The following GHSR variants were observed in gnomAD, a reference collection of about 807,000 sequenced individuals.
The protein encoded by GHSR is growth hormone secretagogue receptor type 1.
A neutral mutation model predicts 24.0 loss-of-function variants in GHSR; 17 were observed. That is an observed-to-expected ratio of 0.71 (90% CI 0.49 to 1.06). The LOEUF is 1.06. GHSR is among the 50% of genes least tolerant of loss of function. The pLI is 0.00. For synonymous variants in GHSR, 238 were observed against 208.1 expected (o/e 1.14, Z -1.24); for missense variants, 504 against 483.1 (o/e 1.04, Z -0.41).
rs201558252 is a variant in GHSR at position 172,448,278 on chromosome 3, C to A, written c.136G>T (p.Val46Phe). The change falls in exon 1 of 2, where the codon GTC becomes TTC. Residue 46 changes from valine (V) to phenylalanine (F), a missense_variant. Val to Phe is a conservative substitution (Grantham distance 50). Transcript: ENST00000241256. This position sits in a 1 kb window ranked among gnomAD's most constrained non-coding sequence, Gnocchi z 4.8. ...QLFPAPLLAG[V>F]TATCVALFVV... ...AAGAGTGCCACGCAGGTGGCTGTGA[C>A]GCCCGCCAGCAGCGGCGCGGGGAAG... The A allele has an allele frequency of 1.9e-6, 3 of 1,612,508 alleles. No homozygotes were observed. Among genetic ancestry groups the A allele is most frequent in the East Asian group, 2.2e-5 (1 of 44,866 alleles).
In GHSR at chr3:172,445,251, A is replaced by C; in HGVS notation, c.1011T>G (p.Leu337=). 1 of 1,614,128 alleles carries C rather than the reference A, an allele frequency of 6.2e-7. No homozygotes were observed. ...TCTGGGAGAAGGGTTCGAATCCCAG[A>C]AGTCTGAACACTGCCACCCGGTACT... is the stretch of plus-strand genomic sequence containing the variant. The part of the protein sequence containing the change: ...SKKYRVAVFR[L]LGFEPFSQRK... The change falls in exon 2 of 2, where the codon CTT becomes CTG. Residue 337 remains leucine (L), a synonymous_variant. Coordinates refer to ENST00000241256, the MANE Select transcript of GHSR (RefSeq NM_198407.2).
Position 172,447,679 on chromosome 3 carries a change from G to A in GHSR, c.735C>T (p.Gly245=). 1.2e-6 allele frequency: 2 copies of A among 1,614,082 alleles called. No individual in the cohort carries two copies. The highest frequency in any genetic ancestry group is 1.7e-6 in the Non-Finnish European group (2 of 1,180,024). ...IGRKLWRRRR[G]DAVVGASLRD... is the part of the protein sequence containing the mutation. Reference sequence around the variant, plus strand: ...TGAGCGAGGCACCCACGACAGCATCGCCGCGCCTCCTCCGCCACAGCTTCC... The same window carrying A: ...TGAGCGAGGCACCCACGACAGCATCACCGCGCCTCCTCCGCCACAGCTTCC... Residue 245 remains glycine, a synonymous_variant, in exon 1 of 2, where the codon GGC becomes GGT. Transcript: ENST00000241256.
Position 172,445,456 on chromosome 3 carries a change from A to G in GHSR, c.806T>C (p.Val269Ala). 6.2e-7 allele frequency: 1 copy of G among 1,612,158 alleles called. No homozygotes were observed. The highest frequency in any genetic ancestry group is 8.5e-7 in the Non-Finnish European group (1 of 1,179,548). The change falls in exon 2 of 2, where the codon GTG becomes GCG. Residue 269 changes from valine to alanine, a missense_variant. Coordinates refer to ENST00000241256, the MANE Select transcript of GHSR (RefSeq NM_198407.2). The stretch of plus-strand genomic sequence containing the variant: ...GAGCCAGCAGAGGATGAAGGCAAAC[A>G]CCACTACAGCTAAAAGGACAATGGG... ...KQTVKMLAVV[V>A]FAFILCWLPF...
intron 1 of GHSR, among the ~76,000 whole-genome samples, chr3:172,445,816 A>G (rs1351692000): frequency 6.6e-6 from 1 of 152,224 alleles, no homozygotes. Flanking sequence ...GTTGTACTCA[A>G]CCATAGCTGT....
In GHSR at chr3:172,444,135, T is replaced by C. The variant is rs1057309895; in HGVS notation, c.*1026A>G. Among the ~76,000 whole-genome samples the C allele has an allele frequency of 6.6e-6, 1 of 152,210 alleles. No individual in the cohort carries two copies. The highest frequency in any genetic ancestry group is 2.1e-4 in the South Asian group (1 of 4,836). On this transcript the variant is annotated 3_prime_UTR_variant, in exon 2 of 2. Transcript: ENST00000241256. ...GTTTCATTTCCTGAATATTAACACATGCAACTCAACTTAATTTAAAAATGT... is the reference window on the plus strand; with the variant it reads ...GTTTCATTTCCTGAATATTAACACACGCAACTCAACTTAATTTAAAAATGT...
chr3:172,447,548 A>G, intron 1 of GHSR, 70 bp downstream of exon 1: 1 of 1,589,834 alleles, frequency 6.3e-7, no homozygotes, highest in Non-Finnish European at 8.6e-7. Flanking sequence ...GGAGACTCAG[A>G]GAGAAGGGAG....
At chr3:172,447,481 A>C in intron 1 of GHSR, 137 bp downstream of exon 1, 7 of 1,506,814 alleles carry the variant, frequency 4.6e-6, no homozygotes, top group Non-Finnish European at 6.2e-6. Flanking sequence ...AAACGCAGAG[A>C]GACAGAGGCC....
chr3:172,447,419 T>C (rs1378167975), intron 1 of GHSR, 199 bp downstream of exon 1: 2 of 1,184,036 alleles, frequency 1.7e-6, no homozygotes, highest in Admixed American at 5.8e-5. Flanking sequence ...AGAGAAAGAT[T>C]GAGAGATCAA....
chr3:172,447,637 CT>C lies in GHSR; in HGVS notation c.776del (p.Lys259SerfsTer4). 1.2e-6 allele frequency: 2 copies of C among 1,614,062 alleles called. No individual in the cohort carries two copies. Among genetic ancestry groups the C allele is most frequent in the Non-Finnish European group, 1.7e-6 (2 of 1,180,010 alleles). On this transcript the variant is annotated frameshift_variant, in exon 1 of 2. Transcript: ENST00000241256. LOFTEE classifies it high-confidence loss of function. ...ACCCACCCAGCATTTTCACGGTTTGCTTGTGGTTCTGGTCCCTGAGCGAGGC... is the reference window on the plus strand; with the variant it reads ...ACCCACCCAGCATTTTCACGGTTTGCTGTGGTTCTGGTCCCTGAGCGAGGC... The part of the protein sequence containing the change: ...VGASLRDQNH[K>X]QTVKMLAVVV...
At position 172,447,652 on chromosome 3, in the gene GHSR, C is replaced by G. The variant is rs201901379; in HGVS notation, c.762G>C (p.Arg254Ser). Residue 254 changes from arginine (R) to serine (S), a missense_variant, in exon 1 of 2, where the codon AGG becomes AGC. Transcript: ENST00000241256. The part of the protein sequence containing the change: ...RGDAVVGASL[R>S]DQNHKQTVKM... ...TCACGGTTTGCTTGTGGTTCTGGTCCCTGAGCGAGGCACCCACGACAGCAT... is the reference window on the plus strand; with the variant it reads ...TCACGGTTTGCTTGTGGTTCTGGTCGCTGAGCGAGGCACCCACGACAGCAT... 62 of 1,614,038 alleles carry G rather than the reference C, an allele frequency of 3.8e-5. No individual in the cohort carries two copies. The highest frequency in any genetic ancestry group is 5.2e-5 in the Non-Finnish European group (61 of 1,180,002).
In GHSR at chr3:172,448,298, G is replaced by A; in HGVS notation, c.116C>T (p.Pro39Leu). 6.2e-7 allele frequency: 1 copy of A among 1,611,830 alleles called. No homozygotes were observed. Among genetic ancestry groups the A allele is most frequent in the Non-Finnish European group, 8.5e-7 (1 of 1,179,878 alleles). Residue 39 changes from proline to leucine, a missense_variant, in exon 1 of 2, where the codon CCC (proline) becomes CTC (leucine). Coordinates refer to ENST00000241256, the MANE Select transcript of GHSR (RefSeq NM_198407.2). The surrounding 1 kb of genome is among the most constrained non-coding windows in gnomAD (Gnocchi z 4.8). ...TGTGACGCCCGCCAGCAGCGGCGCG[G>A]GGAAGAGCTGCAGCAGCTCGTCGCC... The part of the protein sequence containing the change: ...SLGDELLQLF[P>L]APLLAGVTAT...
At chr3:172,446,501 C>A (rs1231666122) in intron 1 of GHSR, among the ~76,000 whole-genome samples, 2 of 152,132 alleles carry the variant, frequency 1.3e-5, no homozygotes, top group Non-Finnish European at 2.9e-5. Context: ...TATGGAGGAT[C>A]CAGGAACTGT....
chr3:172,444,786 T>G lies in GHSR; in HGVS notation c.*375A>C, dbSNP rs1414080268. On this transcript the variant is annotated 3_prime_UTR_variant, in exon 2 of 2. Transcript: ENST00000241256. ...ACATTTTAAATTTTGTATTGTAATG[T>G]CATTCTTTTAACCAAATAATTTTGA... 6.6e-6 allele frequency among the ~76,000 whole-genome samples: 1 copy of G among 152,236 alleles called. No individual in the cohort carries two copies. The highest frequency in any genetic ancestry group is 1.5e-5 in the Non-Finnish European group (1 of 68,048).
At position 172,445,014 on chromosome 3, in the gene GHSR, C is replaced by A. The variant is rs1435300702; in HGVS notation, c.*147G>T. On this transcript the variant is annotated 3_prime_UTR_variant, in exon 2 of 2. Coordinates refer to ENST00000241256, the MANE Select transcript of GHSR (RefSeq NM_198407.2). Reference sequence around the variant, plus strand: ...ATCAAATCAAACTGCTCACACCCTACAAATGATATCTTTTTTCCCTCCCAG... The same window carrying A: ...ATCAAATCAAACTGCTCACACCCTAAAAATGATATCTTTTTTCCCTCCCAG... 2 of 873,448 alleles carry A rather than the reference C, an allele frequency of 2.3e-6. No homozygotes were observed. The highest frequency in any genetic ancestry group is 1.6e-5 in the African/African-American group (1 of 60,682). The allele number at this position is 873,448 out of a possible 1,614,324, so 54.1% of individuals were successfully genotyped here.
At position 172,444,391 on chromosome 3, in the gene GHSR, A is replaced by G. The variant is rs1737410905; in HGVS notation, c.*770T>C. Among the ~76,000 whole-genome samples the G allele has an allele frequency of 6.6e-6, 1 of 152,232 alleles. No individual in the cohort carries two copies. The highest frequency in any genetic ancestry group is 1.5e-5 in the Non-Finnish European group (1 of 68,034). On this transcript the variant is annotated 3_prime_UTR_variant, in exon 2 of 2. Coordinates refer to ENST00000241256, the MANE Select transcript of GHSR (RefSeq NM_198407.2). ...AACCTCGAGCTACTGGATACTTGAA[A>G]TGTGACTAGTGCAACTGAAGAACTG... is the stretch of plus-strand genomic sequence containing the variant.
At chr3:172,446,286 T>G (rs114277034) in intron 1 of GHSR, among the ~76,000 whole-genome samples, 195 of 152,234 alleles carry the variant, frequency 1.3e-3, no homozygotes, top group African/African-American at 4.5e-3. Flanking sequence ...AAAATAAAAT[T>G]GGAGGAAATT....
rs1004821824 is a variant in GHSR, at chr3:172,448,374, G to A, written c.40C>T (p.Leu14Phe). The change falls in exon 1 of 2, where the codon CTC becomes TTC. Residue 14 changes from leucine to phenylalanine, a missense_variant. Coordinates refer to ENST00000241256, the MANE Select transcript of GHSR (RefSeq NM_198407.2). The surrounding 1 kb of genome is among the most constrained non-coding windows in gnomAD (Gnocchi z 4.8). ...ATPSEEPGFN[L>F]TLADLDWDAS... is the part of the protein sequence containing the mutation. ...TCCCAGTCCAGGTCGGCCAGTGTGA[G>A]GTTGAACCCCGGCTCTTCGCTGGGC... 1 of 1,600,032 alleles carries A rather than the reference G, an allele frequency of 6.2e-7. No individual in the cohort carries two copies. The highest frequency in any genetic ancestry group is 8.5e-7 in the Non-Finnish European group (1 of 1,179,654).
At position 172,445,217 on chromosome 3, in the gene GHSR, A is replaced by C; in HGVS notation, c.1045T>G (p.Ser349Ala). Residue 349 changes from serine to alanine, a missense_variant, in exon 2 of 2, where the codon TCC (serine) becomes GCC (alanine). By Grantham distance (99) the Ser-to-Ala change is moderately conservative. Coordinates refer to ENST00000241256, the MANE Select transcript of GHSR (RefSeq NM_198407.2). ...GFEPFSQRKLSTLKDESSRAW... is the reference protein window; with the variant it reads ...GFEPFSQRKLATLKDESSRAW... Reference sequence around the variant, plus strand: ...CGAGAACTTTCATCTTTCAGAGTGGAGAGCTTTCTCTGGGAGAAGGGTTCG... The same window carrying C: ...CGAGAACTTTCATCTTTCAGAGTGGCGAGCTTTCTCTGGGAGAAGGGTTCG... The C allele has an allele frequency of 6.2e-7, 1 of 1,614,080 alleles. No homozygotes were observed. Among genetic ancestry groups the C allele is most frequent in the Non-Finnish European group, 8.5e-7 (1 of 1,180,010 alleles).
At position 172,444,988 on chromosome 3, in the gene GHSR, G is replaced by T; in HGVS notation, c.*173C>A. 1.4e-6 allele frequency: 1 copy of T among 719,296 alleles called. No individual in the cohort carries two copies. The allele number at this position is 719,296 out of a possible 1,614,324, so 44.6% of individuals were successfully genotyped here. A position where few individuals can be genotyped will look rare whatever the true frequency, so the allele number is the denominator to read the frequency against. Reference sequence around the variant, plus strand: ...TGTATGAGAGCACTGATAATTGTGCGATCAAATCAAACTGCTCACACCCTA... The same window carrying T: ...TGTATGAGAGCACTGATAATTGTGCTATCAAATCAAACTGCTCACACCCTA... On this transcript the variant is annotated 3_prime_UTR_variant, in exon 2 of 2. Coordinates refer to ENST00000241256, the MANE Select transcript of GHSR (RefSeq NM_198407.2).
Sources: allele counts gnomAD v4.1 joint callset (sites outside exome capture counted in the v4.1 genomes callset), GRCh38; gene constraint gnomAD v4.1.1; non-coding constraint Gnocchi (gnomAD v3.1); transcripts MANE v1.5; gene names NCBI Gene and HGNC (gene_info 2026-07-23, HGNC 2026-07-21).